Variants in SPTY2D1 observed in about 807,000 individuals in gnomAD.
The protein encoded by SPTY2D1 is protein SPT2 homolog.
SPTY2D1 carries 21 observed loss-of-function variants against 64.0 expected under a neutral mutation model. The ratio of observed to expected loss-of-function variants is 0.33; its 90% CI spans 0.23 to 0.47. The LOEUF is 0.47. Among genes scored for constraint, SPTY2D1 ranks in the 20% least tolerant of loss-of-function variants. SPTY2D1 has a pLI of 1.00. For missense variants in SPTY2D1, 724 were observed against 837.2 expected (o/e 0.86, Z 1.67); for synonymous variants, 287 against 286.8 (o/e 1.00, Z -0.01).
chr11:18,612,292 T>A lies in SPTY2D1; in HGVS notation c.1886+22A>T. 1.3e-6 allele frequency: 2 copies of A among 1,563,528 alleles called. No individual in the cohort carries two copies. The highest frequency in any genetic ancestry group is 1.7e-6 in the Non-Finnish European group (2 of 1,157,278). On this transcript the variant is annotated intron_variant, in intron 4 of 5. Transcript: ENST00000336349. This position sits in a 1 kb window ranked among gnomAD's most constrained non-coding sequence, Gnocchi z 4.6. ...AAATAAAAAAAGGATGTCATAGTTA[T>A]CTGAATCTTCTTTAGTCTTACTTTT...
chr11:18,625,709 C>T (rs892743046), intron 1 of SPTY2D1, among the ~76,000 whole-genome samples: 2 of 149,464 alleles, frequency 1.3e-5, no homozygotes, highest in African/African-American at 4.9e-5. Flanking sequence ...TACAAGCACA[C>T]ACCACCACAA....
intron 1 of SPTY2D1, among the ~76,000 whole-genome samples, chr11:18,622,404 G>A (rs747045555): frequency 1.9e-4 from 29 of 151,930 alleles, no homozygotes; most frequent in Non-Finnish European, 2.6e-4. Context: ...TGTGACGCAC[G>A]CCTGTAGTCC....
chr11:18,618,426 A>G (rs1389186723), intron 1 of SPTY2D1, among the ~76,000 whole-genome samples: 1 of 152,212 alleles, frequency 6.6e-6, no homozygotes, highest in Non-Finnish European at 1.5e-5. Flanking sequence ...AAGTAATGTT[A>G]ATTTGAACTA....
chr11:18,622,173 A>G (rs1854421863), intron 1 of SPTY2D1, among the ~76,000 whole-genome samples: 1 of 151,784 alleles, frequency 6.6e-6, no homozygotes, highest in African/African-American at 2.4e-5. Context: ...TCTTAGACAA[A>G]GTTTAGGTTC....
At chr11:18,623,054 G>C (rs1295536026) in intron 1 of SPTY2D1, among the ~76,000 whole-genome samples, 1 of 152,126 alleles carries the variant, frequency 6.6e-6, no homozygotes, top group Non-Finnish European at 1.5e-5. Flanking sequence ...TTGACCAGAA[G>C]CCTTACTGAT....
chr11:18,613,599 G>A (rs1482636751), intron 3 of SPTY2D1, among the ~76,000 whole-genome samples: 1 of 152,160 alleles, frequency 6.6e-6, no homozygotes, highest in Non-Finnish European at 1.5e-5. Context: ...GTCCCCTGGA[G>A]GGCAAAATTG....
chr11:18,620,585 T>C (rs540031359), intron 1 of SPTY2D1, among the ~76,000 whole-genome samples: 4 of 152,116 alleles, frequency 2.6e-5, no homozygotes, highest in Non-Finnish European at 5.9e-5. Context: ...TTCCAATTCA[T>C]ATAAAAATAC....
intron 1 of SPTY2D1, among the ~76,000 whole-genome samples, chr11:18,619,643 G>A (rs892458468): frequency 6.6e-6 from 1 of 152,062 alleles, no homozygotes; most frequent in African/African-American, 2.4e-5. Flanking sequence ...TGTAAGCCCA[G>A]CTACTTGGGA....
intron 3 of SPTY2D1, 21 bp downstream of exon 3, chr11:18,614,542 T>A (rs780020353): frequency 2.5e-6 from 4 of 1,585,184 alleles, no homozygotes; most frequent in African/African-American, 2.7e-5. Context: ...ATATACTCTT[T>A]CGGGTGAGGG....
At chr11:18,610,114 T>C in intron 5 of SPTY2D1, 160 bp from the exon 6 acceptor site, 1 of 526,538 alleles carries the variant, frequency 1.9e-6, no homozygotes. Flanking sequence ...GGGATATTTT[T>C]TTACCAGGGG....
At chr11:18,627,903 C>G (rs909321948) in intron 1 of SPTY2D1, among the ~76,000 whole-genome samples, 6 of 151,674 alleles carry the variant, frequency 4.0e-5, no homozygotes, top group East Asian at 3.9e-4. Context: ...CAAAAATTAG[C>G]TGGGCATGGT....
chr11:18,621,328 A>C (rs1227254329), intron 1 of SPTY2D1, among the ~76,000 whole-genome samples: 2 of 31,016 alleles, frequency 6.4e-5, no homozygotes, highest in South Asian at 8.5e-4. Context: ...AAAAACAGAA[A>C]AGAAAAGAAA....
chr11:18,629,675 G>A (rs1238835888), intron 1 of SPTY2D1, among the ~76,000 whole-genome samples: 1 of 152,082 alleles, frequency 6.6e-6, no homozygotes, highest in African/African-American at 2.4e-5. Flanking sequence ...AGCCAGTGAC[G>A]ACAACTTGTT....
intron 1 of SPTY2D1, among the ~76,000 whole-genome samples, chr11:18,617,305 T>A (rs1854314205): frequency 6.6e-6 from 1 of 152,116 alleles, no homozygotes; most frequent in Non-Finnish European, 1.5e-5. Flanking sequence ...AAATCACCAC[T>A]TAGAAGAATC....
In SPTY2D1 at chr11:18,606,671, A is replaced by G. The variant is rs544078702; in HGVS notation, c.*3190T>C. 1.5e-5 allele frequency: 6 copies of G among 404,598 alleles called. No homozygotes were observed. Among genetic ancestry groups the G allele is most frequent in the Non-Finnish European group, 2.8e-5 (6 of 211,736 alleles). The allele number at this position is 404,598 out of a possible 1,614,324, so 25.1% of individuals were successfully genotyped here. A position where few individuals can be genotyped will look rare whatever the true frequency, so the allele number is the denominator to read the frequency against. On this transcript the variant is annotated 3_prime_UTR_variant, in exon 6 of 6. Coordinates refer to ENST00000336349, the MANE Select transcript of SPTY2D1 (RefSeq NM_194285.3). ...CTCAGAAAATAAATAGTAGTCTAATATATTCAATACATTGAAAATAAAACA... is the reference window on the plus strand; with the variant it reads ...CTCAGAAAATAAATAGTAGTCTAATGTATTCAATACATTGAAAATAAAACA...
Position 18,634,293 on chromosome 11 carries a change from C to T in SPTY2D1, c.-36G>A, listed in dbSNP as rs375065600. 5.0e-4 allele frequency: 804 copies of T among 1,611,454 alleles called. 1 individual carries two copies. The highest frequency in any genetic ancestry group is 6.7e-4 in the Non-Finnish European group (785 of 1,178,100). On this transcript the variant is annotated 5_prime_UTR_variant, in exon 1 of 6. Coordinates refer to ENST00000336349, the MANE Select transcript of SPTY2D1 (RefSeq NM_194285.3). The stretch of plus-strand genomic sequence containing the variant: ...GGCGGGAGAGACTGGGCCAGGCACT[C>T]GGAAAGGACTGACAGCGCACCTAAC...
intron 2 of SPTY2D1, 125 bp downstream of exon 2, chr11:18,616,750 C>G: frequency 1.3e-6 from 1 of 760,448 alleles, no homozygotes; most frequent in East Asian, 2.6e-5. Flanking sequence ...CACACACACA[C>G]ACACACACAC....
At position 18,616,783 on chromosome 11, in the gene SPTY2D1, G is replaced by A. The variant is rs1350752433; in HGVS notation, c.175+92C>T. 4 of 1,215,636 alleles carry A rather than the reference G, an allele frequency of 3.3e-6. No homozygotes were observed. The African/African-American group carries it at 6.1e-5, about 18-fold the overall frequency. 75.3% of individuals were successfully genotyped at this position (1,215,636 alleles called of 1,614,324 possible). On this transcript the variant is annotated intron_variant, in intron 2 of 5. Coordinates refer to ENST00000336349, the MANE Select transcript of SPTY2D1 (RefSeq NM_194285.3). ...CACACCCTCCCAAATCTGTTGGCCTGTTATGTTTTTATAGACAGCCACTGG... is the reference window on the plus strand; with the variant it reads ...CACACCCTCCCAAATCTGTTGGCCTATTATGTTTTTATAGACAGCCACTGG...
intron 1 of SPTY2D1, among the ~76,000 whole-genome samples, chr11:18,624,512 T>C (rs183303500): frequency 3.7e-4 from 56 of 152,362 alleles, no homozygotes; most frequent in African/African-American, 1.3e-3. Flanking sequence ...AAGCTTGTCA[T>C]TTAAATACAA....
Sources: allele counts gnomAD v4.1 joint callset (sites outside exome capture counted in the v4.1 genomes callset), GRCh38; gene constraint gnomAD v4.1.1; non-coding constraint Gnocchi (gnomAD v3.1); transcripts MANE v1.5; gene names NCBI Gene and HGNC (gene_info 2026-07-23, HGNC 2026-07-21).